RANBP17: variants seen among roughly 807,000 people sequenced by gnomAD.
RANBP17 encodes the protein RAN binding protein 17.
In RANBP17, 158 loss-of-function variants were observed where a neutral mutation model predicts 141.2. The ratio of observed to expected loss-of-function variants is 1.12; its 90% CI spans 0.98 to 1.28. The LOEUF is 1.28. Ranked by LOEUF, RANBP17 falls within the 50% of genes most tolerant of loss-of-function variation. The pLI is 0.00. For missense variants in RANBP17, 1,438 were observed against 1,290.7 expected (o/e 1.11, Z -1.75); for synonymous variants, 430 against 450.0 (o/e 0.96, Z 0.56).
intron 18 of RANBP17, among the ~76,000 whole-genome samples, chr5:171,184,694 A>G (rs1761115231): frequency 6.6e-6 from 1 of 152,226 alleles, no homozygotes; most frequent in African/African-American, 2.4e-5. Flanking sequence ...CATCATACAT[A>G]TGTACCTCAA....
chr5:171,039,353 T>A (rs146188829), intron 14 of RANBP17, among the ~76,000 whole-genome samples: 102 of 151,988 alleles, frequency 6.7e-4, no homozygotes, highest in African/African-American at 2.3e-3. Context: ...TTTTTTCATA[T>A]CCTTGTTGCC....
intron 11 of RANBP17, among the ~76,000 whole-genome samples, chr5:170,923,447 C>G (rs1278281366): frequency 1.3e-5 from 2 of 152,166 alleles, no homozygotes; most frequent in East Asian, 1.9e-4. Flanking sequence ...TGGCTTTTCT[C>G]TTTCAAAATT....
In RANBP17 at chr5:170,984,250, G is replaced by A. The variant is rs369085153; in HGVS notation, c.1710+15873G>A. Among the ~76,000 whole-genome samples the A allele has an allele frequency of 2.6e-5, 4 of 152,054 alleles. No individual in the cohort carries two copies. In the East Asian group the frequency reaches 5.8e-4, roughly 22 times the overall value. ...ATCCGGGTGTATGGTTTCTTTCTGA[G>A]GTACATAGATAACCCACCCAGGAGT... is the stretch of plus-strand genomic sequence containing the variant. On this transcript the variant is annotated intron_variant, in intron 14 of 27. Coordinates refer to ENST00000523189, the MANE Select transcript of RANBP17 (RefSeq NM_022897.5).
chr5:171,244,584 T>G (rs1765096292), intron 24 of RANBP17, among the ~76,000 whole-genome samples: 1 of 152,026 alleles, frequency 6.6e-6, no homozygotes, highest in Non-Finnish European at 1.5e-5. Flanking sequence ...GTAGCTGAGA[T>G]TACAGGCTTG....
intron 14 of RANBP17, among the ~76,000 whole-genome samples, chr5:171,065,494 G>C (rs1257815475): frequency 6.6e-6 from 1 of 151,936 alleles, no homozygotes; most frequent in African/African-American, 2.4e-5. Context: ...GATAATGCTG[G>C]CTTGCCCTCC....
chr5:170,967,893 A>G (rs1776700898), intron 13 of RANBP17, among the ~76,000 whole-genome samples: 1 of 151,734 alleles, frequency 6.6e-6, no homozygotes, highest in African/African-American at 2.4e-5. Context: ...TTCTTTTACT[A>G]AAAATTTATA....
chr5:170,933,418 T>G (rs1773571896), intron 12 of RANBP17, among the ~76,000 whole-genome samples: 1 of 152,220 alleles, frequency 6.6e-6, no homozygotes, highest in Admixed American at 6.5e-5. Context: ...TTTCCTTCAG[T>G]TCTGCTCTGA....
chr5:171,011,991 C>T (rs1311497162), intron 14 of RANBP17, among the ~76,000 whole-genome samples: 1 of 150,674 alleles, frequency 6.6e-6, no homozygotes, highest in Non-Finnish European at 1.5e-5. Context: ...TTGAGCTATT[C>T]TGGTTATTGC....
chr5:170,879,244 C>T (rs1768454126), intron 2 of RANBP17, among the ~76,000 whole-genome samples: 1 of 152,098 alleles, frequency 6.6e-6, no homozygotes, highest in Admixed American at 6.5e-5. Context: ...GCACATTCAT[C>T]ATTTACAAGG....
At chr5:171,169,811 T>A (rs189689911) in intron 14 of RANBP17, among the ~76,000 whole-genome samples, 5 of 151,682 alleles carry the variant, frequency 3.3e-5, no homozygotes, top group Non-Finnish European at 7.4e-5. Context: ...GCATACCTAC[T>A]CCCGTCTTCC....
chr5:171,220,534 C>T (rs1204615957), intron 21 of RANBP17, among the ~76,000 whole-genome samples: 1 of 150,370 alleles, frequency 6.7e-6, no homozygotes, highest in African/African-American at 2.5e-5. Context: ...TTGCAACCTC[C>T]ACCTCCCAGG....
At chr5:170,888,339 A>G (rs1769324458) in intron 3 of RANBP17, among the ~76,000 whole-genome samples, 1 of 152,218 alleles carries the variant, frequency 6.6e-6, no homozygotes, top group South Asian at 2.1e-4. Flanking sequence ...TTTCCTGTCT[A>G]GGAACATGTA....
chr5:171,036,976 A>C (rs1162051368), intron 14 of RANBP17, among the ~76,000 whole-genome samples: 4 of 152,152 alleles, frequency 2.6e-5, no homozygotes, highest in Admixed American at 6.6e-5. Flanking sequence ...TGCTGGGCCA[A>C]ATGGTAGTTC....
chr5:171,231,332 T>C (rs958738348), intron 22 of RANBP17, among the ~76,000 whole-genome samples: 2 of 152,112 alleles, frequency 1.3e-5, no homozygotes, highest in Admixed American at 6.5e-5. Flanking sequence ...TTCCCTCCTA[T>C]ATGATAATGT....
Position 170,957,982 on chromosome 5 carries a change from T to A in RANBP17, c.1574+4280T>A, listed in dbSNP as rs115214181. On this transcript the variant is annotated intron_variant, in intron 13 of 27. Transcript: ENST00000523189. Reference sequence around the variant, plus strand: ...GGTTCATTATTCACTAATTCAGTGTTCACAGTGACTACAGAATATAACTAC... The same window carrying A: ...GGTTCATTATTCACTAATTCAGTGTACACAGTGACTACAGAATATAACTAC... Among the ~76,000 whole-genome samples the A allele has an allele frequency of 1.3e-3, 199 of 152,346 alleles. 1 individual carries two copies. The highest frequency in any genetic ancestry group is 4.7e-3 in the African/African-American group (194 of 41,568).
intron 25 of RANBP17, among the ~76,000 whole-genome samples, chr5:171,272,459 G>C (rs985792593): frequency 3.3e-5 from 5 of 152,092 alleles, no homozygotes; most frequent in African/African-American, 1.2e-4. Flanking sequence ...AATCATGACA[G>C]TATCTTTGTG....
chr5:171,035,379 T>C (rs1781804513), intron 14 of RANBP17, among the ~76,000 whole-genome samples: 1 of 152,164 alleles, frequency 6.6e-6, no homozygotes, highest in African/African-American at 2.4e-5. Flanking sequence ...TTAAAGTCTT[T>C]CTGTGTAGTT....
At chr5:171,073,454 GGTGTTTAGAGCCAAGTTTCTCTCT>G (rs1343580244) in intron 14 of RANBP17, among the ~76,000 whole-genome samples, 1 of 152,022 alleles carries the variant, frequency 6.6e-6, no homozygotes, top group African/African-American at 2.4e-5. Context: ...ACATATTGTG[GGTGTTTAGAGCCAAGTTTCTCTCT>G]GTCAGAGTAA....
intron 12 of RANBP17, among the ~76,000 whole-genome samples, chr5:170,947,851 GA>G: frequency 6.6e-6 from 1 of 152,286 alleles, no homozygotes; most frequent in South Asian, 2.1e-4. Flanking sequence ...AACATTCTCT[GA>G]GAGACTGGAG....
Sources: gnomAD v4.1 joint callset for allele counts (sites outside exome capture counted in the v4.1 genomes callset) on GRCh38, gnomAD v4.1.1 for gene constraint, MANE v1.5 for transcripts, NCBI Gene and HGNC (gene_info 2026-07-23, HGNC 2026-07-21) for gene names.